Variants in ELAPOR1 observed in about 807,000 individuals in gnomAD.
ELAPOR1 encodes endosome-lysosome associated apoptosis and autophagy regulator 1.
A neutral mutation model predicts 119.7 loss-of-function variants in ELAPOR1; 77 were observed. The ratio of observed to expected loss-of-function variants is 0.64; its 90% CI spans 0.54 to 0.78. The LOEUF is 0.78. ELAPOR1 is among the 30% of genes least tolerant of loss of function. The pLI is 0.00. For synonymous variants in ELAPOR1, 481 were observed against 487.2 expected, an observed-to-expected ratio of 0.99 and a Z score of 0.17; for missense variants, 1,115 against 1,270.4, an observed-to-expected ratio of 0.88 and a Z score of 1.86.
intron 1 of ELAPOR1, among the ~76,000 whole-genome samples, chr1:109,152,575 C>T (rs1020254608): frequency 6.6e-6 from 1 of 152,074 alleles, no homozygotes; most frequent in Non-Finnish European, 1.5e-5. Context: ...TAATGTTTTA[C>T]TCAAATATAG....
At chr1:109,164,713 CCCCACCCCCAG>C in intron 3 of ELAPOR1, 22 bp downstream of exon 3, 1 of 1,592,222 alleles carries the variant, frequency 6.3e-7, no homozygotes, top group Non-Finnish European at 8.6e-7. Context: ...CACACCCCCA[CCCCACCCCCAG>C]CCCACTGGGT....
At chr1:109,136,330 G>A (rs1649464489) in intron 1 of ELAPOR1, among the ~76,000 whole-genome samples, 1 of 152,198 alleles carries the variant, frequency 6.6e-6, no homozygotes. Context: ...TGCTGTGTGA[G>A]AGTTGGAGTT....
intron 7 of ELAPOR1, among the ~76,000 whole-genome samples, chr1:109,181,637 T>C (rs1216564077): frequency 6.6e-6 from 1 of 152,212 alleles, no homozygotes; most frequent in Non-Finnish European, 1.5e-5. Context: ...TGTACTTTGC[T>C]AGACCTAAGA....
At chr1:109,165,872 G>A (rs1651569022) in intron 3 of ELAPOR1, among the ~76,000 whole-genome samples, 1 of 151,182 alleles carries the variant, frequency 6.6e-6, no homozygotes, top group African/African-American at 2.4e-5. Context: ...AGCCTCCTGA[G>A]TAGCTGGGTT....
intron 7 of ELAPOR1, among the ~76,000 whole-genome samples, chr1:109,179,409 C>CA (rs773712424): frequency 0.03 from 1,490 of 49,906 alleles, 36 homozygotes; most frequent in African/African-American, 0.068. Flanking sequence ...ACTCTGTCTC[C>CA]AAAAAAAAAA....
chr1:109,162,535 C>T (rs1651325281), intron 2 of ELAPOR1, among the ~76,000 whole-genome samples: 1 of 152,208 alleles, frequency 6.6e-6, no homozygotes, highest in African/African-American at 2.4e-5. Flanking sequence ...TGGCTTGCCG[C>T]AGCCCCAGCA....
At chr1:109,186,598 T>C in intron 8 of ELAPOR1, 2 of 985,482 alleles carry the variant, frequency 2.0e-6, no homozygotes, top group Non-Finnish European at 2.4e-6. Flanking sequence ...GGCTGTGTCT[T>C]GTCAGTTGCA....
chr1:109,136,677 A>G (rs1233946894), intron 1 of ELAPOR1, among the ~76,000 whole-genome samples: 1 of 152,158 alleles, frequency 6.6e-6, no homozygotes, highest in South Asian at 2.1e-4. Context: ...TAAAAAAATT[A>G]ATTGTAGGTA....
chr1:109,185,182 C>T (rs764273503), intron 8 of ELAPOR1, 49 bp downstream of exon 8: 2 of 1,410,022 alleles, frequency 1.4e-6, no homozygotes, highest in Admixed American at 3.4e-5. Flanking sequence ...GACTGTCTCC[C>T]ACTCCCTGAG....
At chr1:109,197,898 T>C in intron 16 of ELAPOR1, 81 bp from the exon 17 acceptor site, 1 of 1,229,846 alleles carries the variant, frequency 8.1e-7, no homozygotes, top group Non-Finnish European at 1.2e-6. Context: ...TGAGGTTGGA[T>C]GTTGACAGGT....
chr1:109,122,677 C>G (rs564347956), intron 1 of ELAPOR1, among the ~76,000 whole-genome samples: 1 of 151,892 alleles, frequency 6.6e-6, no homozygotes, highest in East Asian at 1.9e-4. Flanking sequence ...AAAAAAGAGA[C>G]TGGGTGCAGT....
At chr1:109,155,200 G>A (rs758153064) in intron 1 of ELAPOR1, among the ~76,000 whole-genome samples, 1 of 151,856 alleles carries the variant, frequency 6.6e-6, no homozygotes, top group African/African-American at 2.4e-5. Flanking sequence ...TTTTTGAGAC[G>A]GAGGCTCACT....
At chr1:109,172,072 C>A in intron 4 of ELAPOR1, 59 bp downstream of exon 4, 3 of 1,577,658 alleles carry the variant, frequency 1.9e-6, no homozygotes, top group South Asian at 1.1e-5. Context: ...GGTTCAGATC[C>A]GTTTGAGGAA....
At chr1:109,185,262 G>A in intron 8 of ELAPOR1, 129 bp downstream of exon 8, 4 of 716,872 alleles carry the variant, frequency 5.6e-6, no homozygotes, top group Non-Finnish European at 9.7e-6. Context: ...GACCTTTGAG[G>A]TGACCCTAGG....
At chr1:109,202,885 C>A in intron 21 of ELAPOR1, 59 bp from the exon 22 acceptor site, 1 of 1,544,466 alleles carries the variant, frequency 6.5e-7, no homozygotes, top group Non-Finnish European at 9.0e-7. Context: ...CATTTCTCTC[C>A]TTTGTCCCCA....
rs1653300081 is a variant in ELAPOR1, at chr1:109,189,651, A to G, written c.1408A>G (p.Met470Val). Reference sequence around the variant, plus strand: ...TGCTGGAGCCTCAGACAATGACTTCATGATTCTCACTCTGGTTGTGCCAGG... The same window carrying G: ...TGCTGGAGCCTCAGACAATGACTTCGTGATTCTCACTCTGGTTGTGCCAGG... Reference protein sequence around the residue: ...TAAGASDNDFMILTLVVPGFR... With the variant: ...TAAGASDNDFVILTLVVPGFR... The change falls in exon 11 of 22, where the codon ATG becomes GTG. Residue 470 changes from methionine (M) to valine (V), a missense_variant. Transcript: ENST00000369939. The G allele has an allele frequency of 1.2e-6, 2 of 1,614,160 alleles. No individual in the cohort carries two copies. Among genetic ancestry groups the G allele is most frequent in the Admixed American group, 1.7e-5 (1 of 60,026 alleles).
chr1:109,179,495 T>G (rs1296934213), intron 7 of ELAPOR1, among the ~76,000 whole-genome samples: 1 of 150,508 alleles, frequency 6.6e-6, no homozygotes, highest in African/African-American at 2.5e-5. Flanking sequence ...GGAGATTAGG[T>G]GGCGAGAAGT....
chr1:109,164,726 C>T, intron 3 of ELAPOR1, 35 bp downstream of exon 3: 1 of 1,577,710 alleles, frequency 6.3e-7, no homozygotes, highest in Non-Finnish European at 8.7e-7. Flanking sequence ...CACCCCCAGC[C>T]CACTGGGTAA....
chr1:109,191,715 C>A lies in ELAPOR1; in HGVS notation c.1546-11C>A, dbSNP rs765010847. 1 of 1,614,046 alleles carries A rather than the reference C, an allele frequency of 6.2e-7. No individual in the cohort carries two copies. The highest frequency in any genetic ancestry group is 1.7e-5 in the Admixed American group (1 of 60,016). ...CATCGCACCCGCTTCACTTGTCTGTCCTGGGTTCAGGGTGTGAATTCTAGG... is the reference window on the plus strand; with the variant it reads ...CATCGCACCCGCTTCACTTGTCTGTACTGGGTTCAGGGTGTGAATTCTAGG... On this transcript the variant is annotated splice_polypyrimidine_tract_variant and intron_variant, in intron 12 of 21. Transcript: ENST00000369939.
Sources: gnomAD v4.1 joint callset for allele counts (sites outside exome capture counted in the v4.1 genomes callset) on GRCh38, gnomAD v4.1.1 for gene constraint, MANE v1.5 for transcripts, NCBI Gene and HGNC (gene_info 2026-07-23, HGNC 2026-07-21) for gene names.